SLC27A2: variants seen among roughly 807,000 people sequenced by gnomAD.
The protein encoded by SLC27A2 is long-chain fatty acid transport protein 2.
A neutral mutation model predicts 60.0 loss-of-function variants in SLC27A2; 54 were observed. The observed-to-expected ratio is 0.90, with a 90% CI of 0.72 to 1.13. The LOEUF (loss-of-function observed/expected upper bound fraction) is 1.13. SLC27A2 is among the 50% of genes most tolerant of loss of function. The probability of loss-of-function intolerance (pLI) is 0.00; values close to 1 mark genes in which losing one functional copy is unlikely to be tolerated. For synonymous variants in SLC27A2, 297 were observed against 297.6 expected, an observed-to-expected ratio of 1.00 and a Z score of 0.02; for missense variants, 739 against 777.6, an observed-to-expected ratio of 0.95 and a Z score of 0.59.
chr15:50,226,537 G>A (rs773688030), intron 6 of SLC27A2, among the ~76,000 whole-genome samples: 4 of 152,130 alleles, frequency 2.6e-5, no homozygotes, highest in Non-Finnish European at 5.9e-5. Context: ...TTCGAGACCA[G>A]CCTGGCCAAC....
rs2045101556 is a variant in SLC27A2, at chr15:50,205,165, T to G, written c.848-74T>G. 24 of 1,516,656 alleles carry G rather than the reference T, an allele frequency of 1.6e-5. No individual in the cohort carries two copies. In the East Asian group the frequency reaches 5.5e-4, roughly 35 times the overall value. The allele number at this position is 1,516,656 out of a possible 1,614,324, so 93.9% of individuals were successfully genotyped here. ...ATTTTTAAATTTCTACCGTTCAAAG[T>G]TGACAAATTAAACATAACTGGGAGA... On this transcript the variant is annotated intron_variant, in intron 3 of 9. Transcript: ENST00000267842.
intron 4 of SLC27A2, among the ~76,000 whole-genome samples, chr15:50,206,200 G>A (rs7183460): frequency 0.018 from 2,734 of 152,054 alleles, 83 homozygotes; most frequent in African/African-American, 0.063. Flanking sequence ...CTTTGCCCAC[G>A]AGATGCCAGT....
chr15:50,226,625 G>A (rs536630695), intron 6 of SLC27A2, among the ~76,000 whole-genome samples: 1 of 152,298 alleles, frequency 6.6e-6, no homozygotes, highest in East Asian at 1.9e-4. Flanking sequence ...CCAGCTACTT[G>A]GGAGGCTGAG....
rs531243741 is a variant in SLC27A2, at chr15:50,230,816, A to G, written c.1555+1774A>G. On this transcript the variant is annotated intron_variant, in intron 8 of 9. Coordinates refer to ENST00000267842, the MANE Select transcript of SLC27A2 (RefSeq NM_003645.4). ...TAAATGCTTGATTTTAAAAAGAAGA[A>G]TCATACAAAAGAGTATGTGTGAGGT... 3.3e-5 allele frequency among the ~76,000 whole-genome samples: 5 copies of G among 152,192 alleles called. No homozygotes were observed. The South Asian group carries it at 1.0e-3, about 31-fold the overall frequency.
chr15:50,196,288 C>T (rs1287874454), intron 1 of SLC27A2, among the ~76,000 whole-genome samples: 3 of 150,658 alleles, frequency 2.0e-5, no homozygotes, highest in Admixed American at 6.6e-5. Context: ...GTAAGAAATA[C>T]TTTTGTGCGT....
rs1178056852 is a variant in SLC27A2, at chr15:50,228,995, TG to T, written c.1510del (p.Val504LeufsTer7). 6.2e-7 allele frequency: 1 copy of T among 1,614,038 alleles called. No individual in the cohort carries two copies. Among genetic ancestry groups the T allele is most frequent in the Admixed American group, 1.7e-5 (1 of 60,028 alleles). ...ATTEVADTVG[L>X]VDFVQEVNVY... Reference sequence around the variant, plus strand: ...ACTGAAGTTGCTGATACAGTTGGACTGGTTGATTTTGTCCAAGAAGTAAATG... The same window carrying T: ...ACTGAAGTTGCTGATACAGTTGGACTGTTGATTTTGTCCAAGAAGTAAATG... On this transcript the variant is annotated frameshift_variant, in exon 8 of 10. Coordinates refer to ENST00000267842, the MANE Select transcript of SLC27A2 (RefSeq NM_003645.4). LOFTEE classifies it high-confidence loss of function.
rs535880258 is a variant in SLC27A2, at chr15:50,182,213, C to G, written c.-215C>G. ...AGCCGGCCAGTCCTGCCCGGAACCC[C>G]CGGCAACGCGCATACGACTACACCT... On this transcript the variant is annotated 5_prime_UTR_variant, in exon 1 of 10. Transcript: ENST00000267842. The G allele has an allele frequency of 2.4e-3, 1,635 of 679,834 alleles. 17 individuals carry two copies. The African/African-American group carries it at 0.028, about 12-fold the overall frequency. The allele number at this position is 679,834 out of a possible 1,614,324, so 42.1% of individuals were successfully genotyped here. A position where few individuals can be genotyped will look rare whatever the true frequency, so the allele number is the denominator to read the frequency against.
At chr15:50,188,349 A>G (rs1473364952) in intron 1 of SLC27A2, among the ~76,000 whole-genome samples, 3 of 152,210 alleles carry the variant, frequency 2.0e-5, no homozygotes. Context: ...TCTGGACCTA[A>G]TAATAGTCAT....
intron 4 of SLC27A2, among the ~76,000 whole-genome samples, chr15:50,212,472 T>G (rs2045165269): frequency 6.6e-6 from 1 of 152,214 alleles, no homozygotes. Context: ...TAAAGATCTT[T>G]GCCTAGGCAC....
chr15:50,212,200 T>C (rs1486186913), intron 4 of SLC27A2, among the ~76,000 whole-genome samples: 1 of 151,206 alleles, frequency 6.6e-6, no homozygotes, highest in Non-Finnish European at 1.5e-5. Context: ...AAGAAAGAAA[T>C]TCAGAGCTCG....
Position 50,228,953 on chromosome 15 carries a change from G to C in SLC27A2, c.1466G>C (p.Gly489Ala). The C allele has an allele frequency of 1.2e-6, 2 of 1,613,382 alleles. No homozygotes were observed. The highest frequency in any genetic ancestry group is 8.5e-7 in the Non-Finnish European group (1 of 1,179,308). The change falls in exon 8 of 10, where the codon GGG (glycine) becomes GCG (alanine). Residue 489 changes from glycine to alanine, a missense_variant. Physicochemically the swap from Gly to Ala is moderately conservative, Grantham distance 60. Transcript: ENST00000267842. ...TTTGTCCTTTCTTCCAGGTGGAAAGGGGAAAATGTGGCCACCACTGAAGTT... is the reference window on the plus strand; with the variant it reads ...TTTGTCCTTTCTTCCAGGTGGAAAGCGGAAAATGTGGCCACCACTGAAGTT... ...DRVGDTFRWKGENVATTEVAD... is the reference protein window; with the variant it reads ...DRVGDTFRWKAENVATTEVAD...
At position 50,182,388 on chromosome 15, in the gene SLC27A2, A is replaced by C. The variant is rs2140889825; in HGVS notation, c.-40A>C. On this transcript the variant is annotated 5_prime_UTR_variant, in exon 1 of 10. Coordinates refer to ENST00000267842, the MANE Select transcript of SLC27A2 (RefSeq NM_003645.4). ...TCGCCGCGCTGCACGCCCGGGGTGA[A>C]CCCTCTGCCCTCGCTGGGACAGAGG... 1 of 1,522,304 alleles carries C rather than the reference A, an allele frequency of 6.6e-7. No homozygotes were observed. Among genetic ancestry groups the C allele is most frequent in the Non-Finnish European group, 8.8e-7 (1 of 1,134,648 alleles). The allele number at this position is 1,522,304 out of a possible 1,614,324, so 94.3% of individuals were successfully genotyped here.
intron 1 of SLC27A2, among the ~76,000 whole-genome samples, chr15:50,186,499 G>A (rs925950583): frequency 3.3e-5 from 5 of 152,240 alleles, no homozygotes; most frequent in African/African-American, 9.6e-5. Flanking sequence ...GTGCCGTGGC[G>A]CGATCTCGAC....
chr15:50,235,760 T>G (rs2045347378), intron 9 of SLC27A2, among the ~76,000 whole-genome samples, 160 bp from the exon 10 acceptor site: 1 of 152,218 alleles, frequency 6.6e-6, no homozygotes, highest in African/African-American at 2.4e-5. Flanking sequence ...AAAAATAAAT[T>G]AAAATGGAAA....
intron 7 of SLC27A2, among the ~76,000 whole-genome samples, chr15:50,228,168 A>C (rs1420403528): frequency 6.6e-6 from 1 of 152,174 alleles, no homozygotes; most frequent in South Asian, 2.1e-4. Context: ...ACCTGAGGTC[A>C]GGAGTTCCAG....
In SLC27A2 at chr15:50,234,017, C is replaced by T. The variant is rs2045333014; in HGVS notation, c.1686+19C>T. 2 of 1,593,170 alleles carry T rather than the reference C, an allele frequency of 1.3e-6. No homozygotes were observed. The highest frequency in any genetic ancestry group is 1.7e-6 in the Non-Finnish European group (2 of 1,167,656). ...AATACAGGTGAGATCTCTTATTATC[C>T]AGTTCAATGATCTGTCCTCTTGGAG... On this transcript the variant is annotated intron_variant, in intron 9 of 9. Transcript: ENST00000267842.
intron 3 of SLC27A2, among the ~76,000 whole-genome samples, chr15:50,203,019 A>AAAAG (rs2045077669): frequency 6.8e-6 from 1 of 145,992 alleles, no homozygotes. Context: ...TCTCTAAAAA[A>AAAAG]AATATATATA....
chr15:50,225,684 A>G (rs2045273115), intron 5 of SLC27A2, among the ~76,000 whole-genome samples: 1 of 152,262 alleles, frequency 6.6e-6, no homozygotes, highest in Admixed American at 6.5e-5. Context: ...GATGAATATT[A>G]TAGACATATT....
At chr15:50,206,137 C>G (rs2045109955) in intron 4 of SLC27A2, among the ~76,000 whole-genome samples, 1 of 152,122 alleles carries the variant, frequency 6.6e-6, no homozygotes, top group African/African-American at 2.4e-5. Flanking sequence ...GCTTTTAATT[C>G]TTTGCCGCGC....
Sources: gnomAD v4.1 joint callset for allele counts (sites outside exome capture counted in the v4.1 genomes callset) on GRCh38, gnomAD v4.1.1 for gene constraint, MANE v1.5 for transcripts, NCBI Gene and HGNC (gene_info 2026-07-23, HGNC 2026-07-21) for gene names.